TASP1: variants seen among roughly 807,000 people sequenced by gnomAD.
TASP1 encodes the protein taspase 1, also known as threonine aspartase 1.
A neutral mutation model predicts 56.6 loss-of-function variants in TASP1; 16 were observed. The ratio of observed to expected loss-of-function variants is 0.28; its 90% CI spans 0.19 to 0.43. The LOEUF (loss-of-function observed/expected upper bound fraction) is 0.43. TASP1 is among the 20% of genes least tolerant of loss of function. TASP1 has a pLI of 1.00. For missense variants in TASP1, 393 were observed against 511.6 expected, an observed-to-expected ratio of 0.77 and a Z score of 2.24; for synonymous variants, 179 against 184.2, an observed-to-expected ratio of 0.97 and a Z score of 0.23.
the TASP1 span, among the ~76,000 whole-genome samples, chr20:13,336,554 T>C: frequency 6.6e-5 from 10 of 152,172 alleles, no homozygotes; most frequent in Non-Finnish European, 1.3e-4. Flanking sequence ...CCCTCAAGTA[T>C]GCCAGAGCCT....
chr20:13,218,717 G>A, the TASP1 span, among the ~76,000 whole-genome samples: 1 of 152,162 alleles, frequency 6.6e-6, no homozygotes, highest in East Asian at 1.9e-4. Context: ...TTGTAAGCCC[G>A]TGTTCCCTAA....
chr20:13,437,412 G>A (rs1244790282), intron 11 of TASP1, among the ~76,000 whole-genome samples: 2 of 152,112 alleles, frequency 1.3e-5, no homozygotes, highest in Non-Finnish European at 2.9e-5. Context: ...GTACTGAATG[G>A]GCAAAAACTG....
rs536233686 is a variant in TASP1 at position 13,422,997 on chromosome 20, A to T, written c.1097-5476T>A. Among the ~76,000 whole-genome samples, 12 of 152,308 alleles carry T rather than the reference A, an allele frequency of 7.9e-5. No homozygotes were observed. In the East Asian group the frequency reaches 2.1e-3, roughly 27 times the overall value. On this transcript the variant is annotated intron_variant, in intron 12 of 13. Coordinates refer to ENST00000337743, the MANE Select transcript of TASP1 (RefSeq NM_017714.3). ...ATTTATCAAAATTACACACTCTTTGACCTAGCAATTCTATTTCTAGATATT... is the reference window on the plus strand; with the variant it reads ...ATTTATCAAAATTACACACTCTTTGTCCTAGCAATTCTATTTCTAGATATT...
the TASP1 span, chr20:13,299,445 G>A: frequency 3.1e-6 from 5 of 1,600,628 alleles, no homozygotes; most frequent in Non-Finnish European, 4.3e-6. This position sits in a 1 kb window ranked among gnomAD's most constrained non-coding sequence, Gnocchi z 5.8. Context: ...GTTCCAAGAG[G>A]CCAGGGAATA....
the TASP1 span, among the ~76,000 whole-genome samples, chr20:13,262,896 T>C: frequency 2.0e-5 from 3 of 152,284 alleles, no homozygotes; most frequent in Admixed American, 6.5e-5. Context: ...TGCCAAGCCC[T>C]AAAGTAAACA....
intron 8 of TASP1, among the ~76,000 whole-genome samples, chr20:13,538,002 CTTT>C (rs202194017): frequency 3.6e-5 from 5 of 139,554 alleles, no homozygotes; most frequent in Middle Eastern, 3.4e-3. Flanking sequence ...ATCTATCAGT[CTTT>C]TTTTTTTTTT....
At chr20:13,170,050 T>C in the TASP1 span, among the ~76,000 whole-genome samples, 4 of 152,178 alleles carry the variant, frequency 2.6e-5, no homozygotes, top group Non-Finnish European at 5.9e-5. Context: ...AACTAGAAAT[T>C]ATTTCTAAAG....
At chr20:13,571,086 T>C (rs994341521) in intron 6 of TASP1, among the ~76,000 whole-genome samples, 2 of 152,162 alleles carry the variant, frequency 1.3e-5, no homozygotes, top group Non-Finnish European at 2.9e-5. Flanking sequence ...ATTTTATATA[T>C]TTTTTAATCA....
the TASP1 span, among the ~76,000 whole-genome samples, chr20:13,209,650 C>T: frequency 3.9e-5 from 6 of 152,026 alleles, no homozygotes; most frequent in African/African-American, 9.7e-5. Flanking sequence ...TATTCTCCTT[C>T]GACAAATCTA....
the TASP1 span, among the ~76,000 whole-genome samples, chr20:13,237,068 T>G: frequency 6.6e-6 from 1 of 152,164 alleles, no homozygotes. Context: ...GGTCCCACAT[T>G]TCCCTTCTGC....
the TASP1 span, among the ~76,000 whole-genome samples, chr20:13,140,446 C>T: frequency 2.5e-3 from 379 of 152,244 alleles, 17 homozygotes; most frequent in East Asian, 0.064. Flanking sequence ...TAACCAGGCA[C>T]GAGACTGAAT....
At chr20:13,383,126 G>A in the TASP1 span, among the ~76,000 whole-genome samples, 2 of 152,194 alleles carry the variant, frequency 1.3e-5, no homozygotes, top group Non-Finnish European at 2.9e-5. Flanking sequence ...GAACAAGAAG[G>A]AGCAGATCCC....
chr20:13,490,386 A>G (rs1286285633), intron 10 of TASP1, among the ~76,000 whole-genome samples: 1 of 152,154 alleles, frequency 6.6e-6, no homozygotes, highest in Non-Finnish European at 1.5e-5. Context: ...CCTTTAAATC[A>G]TCTGTTTTTG....
At chr20:13,277,164 G>A in the TASP1 span, among the ~76,000 whole-genome samples, 11 of 152,090 alleles carry the variant, frequency 7.2e-5, no homozygotes, top group Non-Finnish European at 1.0e-4. Flanking sequence ...TCATATTGAC[G>A]GTAATAGCTT....
intron 10 of TASP1, among the ~76,000 whole-genome samples, chr20:13,519,302 C>T (rs1461724018): frequency 6.6e-6 from 1 of 151,962 alleles, no homozygotes; most frequent in Admixed American, 6.6e-5. Flanking sequence ...TGTAACAAAC[C>T]TGCAAATGTA....
intron 10 of TASP1, among the ~76,000 whole-genome samples, chr20:13,497,909 G>C (rs1250964058): frequency 6.6e-6 from 1 of 152,150 alleles, no homozygotes; most frequent in Non-Finnish European, 1.5e-5. Context: ...TTAATAATTG[G>C]TGCTGGGATA....
the TASP1 span, among the ~76,000 whole-genome samples, chr20:13,375,696 A>G: frequency 6.6e-6 from 1 of 152,208 alleles, no homozygotes; most frequent in Non-Finnish European, 1.5e-5. Flanking sequence ...TTACACTCCA[A>G]CCAACAGTGT....
At chr20:13,384,168 G>T in the TASP1 span, among the ~76,000 whole-genome samples, 10 of 152,204 alleles carry the variant, frequency 6.6e-5, no homozygotes, top group Admixed American at 3.3e-4. Flanking sequence ...GACAGTAAAG[G>T]TTAAAGGAAT....
At chr20:13,474,261 T>C (rs1026744291) in intron 11 of TASP1, among the ~76,000 whole-genome samples, 1 of 152,156 alleles carries the variant, frequency 6.6e-6, no homozygotes, top group Non-Finnish European at 1.5e-5. Context: ...GTGCCCAATA[T>C]GTAGTCTTTT....
Sources: allele counts gnomAD v4.1 joint callset (sites outside exome capture counted in the v4.1 genomes callset), GRCh38; gene constraint gnomAD v4.1.1; non-coding constraint Gnocchi (gnomAD v3.1); transcripts MANE v1.5; gene names NCBI Gene and HGNC (gene_info 2026-07-23, HGNC 2026-07-21).